The following MAPRE1 variants were observed in gnomAD, a reference collection of about 807,000 sequenced individuals.
MAPRE1 encodes microtubule-associated protein RP/EB family member 1.
In MAPRE1, 5 loss-of-function variants were observed where a neutral mutation model predicts 32.1. The ratio of observed to expected loss-of-function variants is 0.16; its 90% CI spans 0.08 to 0.33. The LOEUF is 0.33. MAPRE1 is among the 10% of genes least tolerant of loss of function. The pLI is 1.00. For missense variants in MAPRE1, 209 were observed against 327.2 expected (o/e 0.64, Z 2.79); for synonymous variants, 122 against 118.9 (o/e 1.03, Z -0.17).
chr20:32,827,234 C>A (rs771094686), intron 2 of MAPRE1, among the ~76,000 whole-genome samples: 10 of 151,818 alleles, frequency 6.6e-5, no homozygotes, highest in Non-Finnish European at 1.3e-4. Context: ...GGTGAAACCC[C>A]GTCTCTACTA....
intron 5 of MAPRE1, 75 bp downstream of exon 5, chr20:32,839,931 G>T: frequency 6.3e-7 from 1 of 1,585,652 alleles, no homozygotes. Flanking sequence ...TGCCTTATCC[G>T]TGTTCTTAAA....
At chr20:32,835,568 A>G (rs1983174834) in intron 3 of MAPRE1, among the ~76,000 whole-genome samples, 1 of 150,852 alleles carries the variant, frequency 6.6e-6, no homozygotes, top group Non-Finnish European at 1.5e-5. Flanking sequence ...ATCTTGATCT[A>G]TTTTCAGGTT....
chr20:32,848,430 A>T (rs1290128828), intron 6 of MAPRE1, among the ~76,000 whole-genome samples: 1 of 152,218 alleles, frequency 6.6e-6, no homozygotes, highest in Non-Finnish European at 1.5e-5. Flanking sequence ...TGAAATTACC[A>T]CCATAATGAA....
chr20:32,834,533 T>A (rs967913007), intron 3 of MAPRE1, among the ~76,000 whole-genome samples: 1 of 152,210 alleles, frequency 6.6e-6, no homozygotes, highest in Non-Finnish European at 1.5e-5. Context: ...TTTAAGCCAT[T>A]TTTGGGGGGA....
At chr20:32,842,460 G>A (rs1237862884) in intron 5 of MAPRE1, among the ~76,000 whole-genome samples, 2 of 152,174 alleles carry the variant, frequency 1.3e-5, no homozygotes, top group Non-Finnish European at 2.9e-5. Flanking sequence ...AACCCTGTGA[G>A]GTTTTACACA....
At chr20:32,834,047 C>T (rs1265867524) in intron 3 of MAPRE1, among the ~76,000 whole-genome samples, 185 bp downstream of exon 3, 1 of 152,114 alleles carries the variant, frequency 6.6e-6, no homozygotes, top group African/African-American at 2.4e-5. Context: ...ATTCCCCTTG[C>T]TTGTTTCTTT....
intron 6 of MAPRE1, among the ~76,000 whole-genome samples, chr20:32,847,062 C>T (rs1983523544): frequency 6.6e-6 from 1 of 152,204 alleles, no homozygotes; most frequent in Non-Finnish European, 1.5e-5. Context: ...CAACCCATGT[C>T]CTCACTCCAC....
At chr20:32,826,205 CCAAAGGAACTTTTTTTT>C (rs1183277636) in intron 2 of MAPRE1, among the ~76,000 whole-genome samples, 157 bp downstream of exon 2, 1 of 146,784 alleles carries the variant, frequency 6.8e-6, no homozygotes, top group Non-Finnish European at 1.5e-5. Context: ...GCTTCTGCTT[CCAAAGGAACTTTTTTTT>C]TTTTTTTTTT....
At chr20:32,821,039 T>C (rs1982684575) in intron 1 of MAPRE1, among the ~76,000 whole-genome samples, 1 of 151,896 alleles carries the variant, frequency 6.6e-6, no homozygotes, top group South Asian at 2.1e-4. Flanking sequence ...TTTTTTTTTT[T>C]TGAGACAGAG....
chr20:32,828,103 C>T (rs1407193133), intron 2 of MAPRE1, among the ~76,000 whole-genome samples: 5 of 152,064 alleles, frequency 3.3e-5, no homozygotes, highest in Non-Finnish European at 7.4e-5. Context: ...TACAGTAACA[C>T]AGTGGTGCCC....
intron 2 of MAPRE1, among the ~76,000 whole-genome samples, chr20:32,829,254 A>C (rs78542379): frequency 0.036 from 5,403 of 152,154 alleles, 303 homozygotes; most frequent in African/African-American, 0.12. Context: ...TTCCCAAATA[A>C]AGTGCTTTTT....
intron 2 of MAPRE1, among the ~76,000 whole-genome samples, chr20:32,833,148 G>A (rs2146128940): frequency 6.6e-6 from 1 of 152,206 alleles, no homozygotes; most frequent in East Asian, 1.9e-4. Context: ...GTTGCAGTGA[G>A]CTGAGATTGT....
chr20:32,823,838 G>T (rs56120821), intron 1 of MAPRE1, among the ~76,000 whole-genome samples: 1 of 152,144 alleles, frequency 6.6e-6, no homozygotes, highest in Non-Finnish European at 1.5e-5. Context: ...GCAGTGAGCC[G>T]TGATTGTGGC....
chr20:32,848,462 T>G, intron 6 of MAPRE1, among the ~76,000 whole-genome samples: 1 of 152,244 alleles, frequency 6.6e-6, no homozygotes, highest in East Asian at 1.9e-4. Context: ...TATGCATCAC[T>G]TTCAAAAGTT....
In MAPRE1 at chr20:32,845,826, T is replaced by A. The variant is rs140535784; in HGVS notation, c.598-792T>A. ...GTTCAGAAGGCTGGACTAGATGATT[T>A]CTCTGGTCCCTTCTGGCTTGTAGAA... On this transcript the variant is annotated intron_variant, in intron 5 of 6. Coordinates refer to ENST00000375571, the MANE Select transcript of MAPRE1 (RefSeq NM_012325.3). 1.7e-3 allele frequency among the ~76,000 whole-genome samples: 263 copies of A among 152,224 alleles called. 1 individual carries two copies. The highest frequency in any genetic ancestry group is 5.8e-3 in the African/African-American group (241 of 41,538).
intron 2 of MAPRE1, among the ~76,000 whole-genome samples, chr20:32,831,521 T>C (rs1162544298): frequency 1.3e-5 from 2 of 151,726 alleles, no homozygotes; most frequent in Non-Finnish European, 2.9e-5. Context: ...CATAAGTCAT[T>C]GTCTCTTTTT....
At chr20:32,823,313 A>T (rs1982750479) in intron 1 of MAPRE1, among the ~76,000 whole-genome samples, 1 of 152,246 alleles carries the variant, frequency 6.6e-6, no homozygotes, top group East Asian at 1.9e-4. Flanking sequence ...GGAACGAAGT[A>T]CCGTAAGAGA....
chr20:32,836,864 T>C (rs1983216852), intron 4 of MAPRE1, 23 bp downstream of exon 4: 1 of 1,571,934 alleles, frequency 6.4e-7, no homozygotes, highest in South Asian at 1.2e-5. Context: ...CCCCAAAACG[T>C]TTCCAAAAAA....
intron 1 of MAPRE1, among the ~76,000 whole-genome samples, chr20:32,824,727 T>C (rs922117566): frequency 6.6e-6 from 1 of 151,966 alleles, no homozygotes; most frequent in Non-Finnish European, 1.5e-5. Context: ...CTCAACCTCT[T>C]GGACTCAGGC....
Sources: allele counts gnomAD v4.1 joint callset (sites outside exome capture counted in the v4.1 genomes callset), GRCh38; gene constraint gnomAD v4.1.1; transcripts MANE v1.5; gene names NCBI Gene and HGNC (gene_info 2026-07-23, HGNC 2026-07-21).